The following SLC25A53 variants were observed in gnomAD, a reference collection of about 807,000 sequenced individuals.
SLC25A53 encodes mitochondrial carrier triple repeat protein 6.
Under a neutral mutation model 15.0 loss-of-function variants are expected in SLC25A53, and 5 were observed. That is an observed-to-expected ratio of 0.33 (90% confidence interval 0.17 to 0.70). The LOEUF is 0.70. SLC25A53 is among the 30% of genes least tolerant of loss of function. The pLI, the probability that SLC25A53 is intolerant of heterozygous loss-of-function variation, is 0.67. For missense variants in SLC25A53, 216 were observed against 241.6 expected (o/e 0.89, Z 0.70); for synonymous variants, 95 against 100.0 (o/e 0.95, Z 0.30).
At chrX:104,145,733 C>T (rs377459957) in intron 1 of SLC25A53, among the ~76,000 whole-genome samples, 3 of 112,289 alleles carry the variant, frequency 2.7e-5, no homozygotes, top group African/African-American at 9.7e-5. Flanking sequence ...TTCCTGCACA[C>T]ATACACCTTC....
rs1556353502 is a variant in SLC25A53 at position 104,103,187 on chromosome X, G to A, written c.*1147C>T. On this transcript the variant is annotated 3_prime_UTR_variant, in exon 2 of 2. Transcript: ENST00000594199. The stretch of plus-strand genomic sequence containing the variant: ...ATCACAGAGACTAATGTCACATTCA[G>A]TTGGGGAAAATCAAGAACTCCATAG... 1 of 110,662 alleles carries A rather than the reference G, an allele frequency of 9.0e-6. No individual in the cohort carries two copies. The allele number at this position is 110,662 out of a possible 1,213,427, so 9.1% of individuals were successfully genotyped here.
rs534311185 is a variant in SLC25A53 at position 104,104,433 on chromosome X, T to C, written c.825A>G (p.Leu275=). Residue 275 remains leucine, a synonymous_variant, in exon 2 of 2, where the codon CTA becomes CTG. Coordinates refer to ENST00000594199, the MANE Select transcript of SLC25A53 (RefSeq NM_001012755.5). ...ATGTCACACTGGACCTTAGGATGAC[T>C]AGGGAGCCTCCACGGTAGATCAGGA... ...KLLLIYRGGS[L]VILRSSVTWG... 9.7e-5 allele frequency: 117 copies of C among 1,210,139 alleles called. No homozygotes were observed. In the African/African-American group the frequency reaches 1.0e-3, roughly 10 times the overall value.
At chrX:104,143,185 C>T (rs1053698399) in intron 1 of SLC25A53, among the ~76,000 whole-genome samples, 1 of 110,336 alleles carries the variant, frequency 9.1e-6, no homozygotes, top group African/African-American at 3.4e-5. Flanking sequence ...AAAACCAGAA[C>T]GCCTCTTCTC....
At chrX:104,141,745 G>A (rs1442744013) in intron 1 of SLC25A53, among the ~76,000 whole-genome samples, 3 of 110,407 alleles carry the variant, frequency 2.7e-5, no homozygotes, top group East Asian at 2.9e-4. Flanking sequence ...GCACCACCAC[G>A]CCTGGCTAAT....
chrX:104,114,629 C>G, intron 1 of SLC25A53: 3 of 1,212,005 alleles, frequency 2.5e-6, no homozygotes, highest in Non-Finnish European at 3.3e-6. Flanking sequence ...GCAAACCAGA[C>G]TCGCTTGCAA....
At chrX:104,106,646 C>T (rs1556356249) in intron 1 of SLC25A53, among the ~76,000 whole-genome samples, 1 of 111,283 alleles carries the variant, frequency 9.0e-6, no homozygotes, top group Non-Finnish European at 1.9e-5. Flanking sequence ...GCTGAGGTCC[C>T]CAGGGAGGAG....
At chrX:104,140,322 C>CGTGTGTGTGT (rs55930796) in intron 1 of SLC25A53, among the ~76,000 whole-genome samples, 1,730 of 100,890 alleles carry the variant, frequency 0.017, 19 homozygotes, top group Non-Finnish European at 0.023. Context: ...GACAGGATTC[C>CGTGTGTGTGT]GTGTGTGTGT....
At chrX:104,137,800 T>C (rs7058913) in intron 1 of SLC25A53, among the ~76,000 whole-genome samples, 4,282 of 111,636 alleles carry the variant, frequency 0.038, 176 homozygotes, top group African/African-American at 0.13. Context: ...TGTTTTACAC[T>C]GGAGGCTGTG....
chrX:104,153,426 T>C (rs1660952759), intron 1 of SLC25A53, among the ~76,000 whole-genome samples: 1 of 111,571 alleles, frequency 9.0e-6, no homozygotes, highest in African/African-American at 3.3e-5. Context: ...TGGTCCATCG[T>C]TGACCAAAAT....
At chrX:104,134,011 T>A (rs782202824) in intron 1 of SLC25A53, among the ~76,000 whole-genome samples, 2 of 111,652 alleles carry the variant, frequency 1.8e-5, no homozygotes, top group Admixed American at 9.5e-5. Flanking sequence ...ACCAATCGAA[T>A]CAACTGTGGC....
chrX:104,121,807 TTG>T (rs1177252198), intron 1 of SLC25A53, among the ~76,000 whole-genome samples: 1 of 99,301 alleles, frequency 1.0e-5, no homozygotes, highest in African/African-American at 3.7e-5. Flanking sequence ...GTTGCATAAT[TTG>T]TCTCATCCCC....
chrX:104,145,868 T>G (rs1182949022), intron 1 of SLC25A53, among the ~76,000 whole-genome samples: 2 of 112,011 alleles, frequency 1.8e-5, no homozygotes, highest in Non-Finnish European at 3.8e-5. Flanking sequence ...ACAGCCAAAT[T>G]CTACCAGAGG....
chrX:104,139,704 C>T (rs1303764304), intron 1 of SLC25A53, among the ~76,000 whole-genome samples: 1 of 111,578 alleles, frequency 9.0e-6, no homozygotes, highest in East Asian at 2.8e-4. Flanking sequence ...CTCCCAGCTA[C>T]TAGGGAGACT....
rs60729916 is a variant in SLC25A53 at position 104,129,860 on chromosome X, A to ATGTGTGTGTG, written c.-31-24582_-31-24573dup. On this transcript the variant is annotated intron_variant, in intron 1 of 1. Transcript: ENST00000594199. Reference sequence around the variant, plus strand: ...AACACATATATATCCACACAAATGTATGTGTGTGTGTGTGTGTGTGTGTGT... The same window carrying ATGTGTGTGTG: ...AACACATATATATCCACACAAATGTATGTGTGTGTGTGTGTGTGTGTGTGTGTGTGTGTGT... Among the ~76,000 whole-genome samples, 629 of 89,977 alleles carry ATGTGTGTGTG rather than the reference A, an allele frequency of 7.0e-3. 4 individuals carry two copies. Among genetic ancestry groups the ATGTGTGTGTG allele is most frequent in the Non-Finnish European group, 0.011 (494 of 46,121 alleles). 78.1% of individuals were successfully genotyped at this position (89,977 alleles called of 115,157 possible).
chrX:104,140,351 A>G (rs868935469), intron 1 of SLC25A53, among the ~76,000 whole-genome samples: 1 of 58,055 alleles, frequency 1.7e-5, no homozygotes, highest in Non-Finnish European at 3.6e-5. Flanking sequence ...GTGTGTGTGT[A>G]TCACAGCATA....
At chrX:104,148,085 A>G (rs1448310669) in intron 1 of SLC25A53, among the ~76,000 whole-genome samples, 3 of 110,660 alleles carry the variant, frequency 2.7e-5, no homozygotes, top group African/African-American at 9.9e-5. Context: ...GATTAAGAAA[A>G]TGTGGCACAT....
intron 1 of SLC25A53, among the ~76,000 whole-genome samples, chrX:104,153,634 T>C (rs2075492218): frequency 8.9e-6 from 1 of 112,014 alleles, no homozygotes; most frequent in Admixed American, 9.5e-5. Flanking sequence ...GTTGATACAG[T>C]GGAGGTGTGA....
chrX:104,131,887 T>C lies in SLC25A53; in HGVS notation c.-32+24991A>G, dbSNP rs1159565049. ...GGTACTTCAAACAGCCAAAGCTTAA[T>C]TCGTCTTCCTTACACGTGCTCTCTT... On this transcript the variant is annotated intron_variant, in intron 1 of 1. Coordinates refer to ENST00000594199, the MANE Select transcript of SLC25A53 (RefSeq NM_001012755.5). Among the ~76,000 whole-genome samples, 3 of 111,867 alleles carry C rather than the reference T, an allele frequency of 2.7e-5. No individual in the cohort carries two copies. In the East Asian group the frequency reaches 8.5e-4, roughly 32 times the overall value.
chrX:104,149,231 C>T (rs2075478068), intron 1 of SLC25A53, among the ~76,000 whole-genome samples: 1 of 112,442 alleles, frequency 8.9e-6, no homozygotes. Context: ...CCAAACTCCC[C>T]ACCTCTGTTT....
Sources: gnomAD v4.1 joint callset for allele counts (sites outside exome capture counted in the v4.1 genomes callset) on GRCh38, gnomAD v4.1.1 for gene constraint, MANE v1.5 for transcripts, NCBI Gene and HGNC (gene_info 2026-07-23, HGNC 2026-07-21) for gene names.